Variants in PLA2G4E observed in about 807,000 individuals in gnomAD.
PLA2G4E encodes cytosolic phospholipase A2 epsilon.
In PLA2G4E, 84 loss-of-function variants were observed where a neutral mutation model predicts 109.1. The ratio of observed to expected loss-of-function variants is 0.77; its 90% CI spans 0.65 to 0.92. The LOEUF is 0.92. PLA2G4E is among the 40% of genes least tolerant of loss of function. The pLI, the probability that PLA2G4E is intolerant of heterozygous loss-of-function variation, is 0.00. For synonymous variants in PLA2G4E, 469 were observed against 436.1 expected, an observed-to-expected ratio of 1.08 and a Z score of -0.94; for missense variants, 1,057 against 1,076.6, an observed-to-expected ratio of 0.98 and a Z score of 0.25.
intron 17 of PLA2G4E, 78 bp from the exon 18 acceptor site, chr15:41,986,083 G>A (rs2068137318): frequency 4.1e-6 from 6 of 1,465,146 alleles, no homozygotes; most frequent in African/African-American, 1.4e-5. Context: ...GGGGGACGGA[G>A]CGCCCTGTCT....
intron 1 of PLA2G4E, among the ~76,000 whole-genome samples, chr15:42,017,259 G>T (rs1241724146): frequency 6.6e-6 from 1 of 152,184 alleles, no homozygotes; most frequent in African/African-American, 2.4e-5. Flanking sequence ...ATCTACTCTG[G>T]CAGGGAAGGC....
At chr15:42,008,810 A>G (rs1025630231) in intron 2 of PLA2G4E, among the ~76,000 whole-genome samples, 5 of 152,218 alleles carry the variant, frequency 3.3e-5, no homozygotes, top group African/African-American at 9.7e-5. Flanking sequence ...GAAATGGTGA[A>G]AGCCAGCAGT....
intron 1 of PLA2G4E, among the ~76,000 whole-genome samples, chr15:42,016,311 T>C (rs895612211): frequency 4.7e-5 from 7 of 150,238 alleles, no homozygotes; most frequent in Non-Finnish European, 1.0e-4. Flanking sequence ...CTTTTGATGC[T>C]GGTCCTTTCA....
In PLA2G4E at chr15:41,987,164, A is replaced by C; in HGVS notation, c.2035+8T>G. 1 of 1,609,026 alleles carries C rather than the reference A, an allele frequency of 6.2e-7. No individual in the cohort carries two copies. The highest frequency in any genetic ancestry group is 1.1e-5 in the South Asian group (1 of 91,002). Reference sequence around the variant, plus strand: ...GGCAGGCCTCAAGGAGTAGCCAGGTAGGGTTACCTTTCCACCTAGAGAACT... The same window carrying C: ...GGCAGGCCTCAAGGAGTAGCCAGGTCGGGTTACCTTTCCACCTAGAGAACT... On this transcript the variant is annotated splice_region_variant and intron_variant, in intron 17 of 19. Coordinates refer to ENST00000399518, the Ensembl canonical transcript of PLA2G4E.
At chr15:41,991,595 T>C (rs965341649) in intron 13 of PLA2G4E, among the ~76,000 whole-genome samples, 1 of 152,136 alleles carries the variant, frequency 6.6e-6, no homozygotes, top group African/African-American at 2.4e-5. Context: ...GAATCCCCAT[T>C]TGCCAGCGCA....
exon 13 of PLA2G4E, chr15:41,992,754 T>C (rs527740359): frequency 1.9e-6 from 3 of 1,612,200 alleles, no homozygotes; most frequent in African/African-American, 2.7e-5. Context: ...CCCAGGCAGG[T>C]CTCTATCAGC....
At chr15:42,001,817 G>A (rs944888589) in intron 6 of PLA2G4E, among the ~76,000 whole-genome samples, 5 of 152,098 alleles carry the variant, frequency 3.3e-5, no homozygotes, top group Non-Finnish European at 7.4e-5. Flanking sequence ...TCAGCCTCCT[G>A]AGTAGCTGGG....
chr15:41,988,071 T>G, exon 16 of PLA2G4E: 1 of 1,606,384 alleles, frequency 6.2e-7, no homozygotes, highest in South Asian at 1.1e-5. Context: ...CTTTCTCCCT[T>G]GTCCACCTGT....
intron 5 of PLA2G4E, among the ~76,000 whole-genome samples, chr15:42,003,799 G>A (rs1210067371): frequency 6.6e-6 from 1 of 152,254 alleles, no homozygotes; most frequent in African/African-American, 2.4e-5. Flanking sequence ...GTGAAGAAGA[G>A]GGAGGAGTGA....
At chr15:42,032,969 G>T (rs1394605356) in intron 1 of PLA2G4E, among the ~76,000 whole-genome samples, 2 of 152,188 alleles carry the variant, frequency 1.3e-5, no homozygotes, top group African/African-American at 2.4e-5. Flanking sequence ...GTGTGTGAGT[G>T]TGTGAGAAGT....
At chr15:42,037,079 T>TG (rs1362706673) in intron 1 of PLA2G4E, among the ~76,000 whole-genome samples, 1 of 151,788 alleles carries the variant, frequency 6.6e-6, no homozygotes, top group South Asian at 2.1e-4. Flanking sequence ...GAGCATGGGG[T>TG]GGGGGGTGAG....
intron 1 of PLA2G4E, among the ~76,000 whole-genome samples, chr15:42,049,970 C>T (rs147195718): frequency 1.1e-4 from 16 of 152,306 alleles, no homozygotes; most frequent in African/African-American, 3.4e-4. Context: ...CGTATTTGCT[C>T]ATAGGTGGGG....
intron 1 of PLA2G4E, among the ~76,000 whole-genome samples, chr15:42,017,881 G>T (rs2068611413): frequency 6.6e-6 from 1 of 152,182 alleles, no homozygotes; most frequent in Non-Finnish European, 1.5e-5. Flanking sequence ...CTTTGGAGAA[G>T]TTCCCATTTT....
At chr15:42,041,047 G>A (rs1417371541) in intron 1 of PLA2G4E, among the ~76,000 whole-genome samples, 2 of 152,174 alleles carry the variant, frequency 1.3e-5, no homozygotes, top group African/African-American at 4.8e-5. Context: ...GTTGGTGAGG[G>A]TGTGAGGAAG....
intron 1 of PLA2G4E, among the ~76,000 whole-genome samples, chr15:42,024,267 T>C (rs991910612): frequency 2.6e-5 from 4 of 152,138 alleles, no homozygotes; most frequent in Non-Finnish European, 4.4e-5. Context: ...CAACTGCTGC[T>C]CCAAGTCAAG....
At chr15:42,016,964 C>G (rs2068601149) in intron 1 of PLA2G4E, among the ~76,000 whole-genome samples, 1 of 152,246 alleles carries the variant, frequency 6.6e-6, no homozygotes. Context: ...CCTCCTTTCT[C>G]ACTCTGCCCG....
At chr15:42,017,388 T>A (rs1163266368) in intron 1 of PLA2G4E, among the ~76,000 whole-genome samples, 2 of 152,204 alleles carry the variant, frequency 1.3e-5, no homozygotes, top group Non-Finnish European at 2.9e-5. Flanking sequence ...CCGCTCTAAC[T>A]CAGCAACAAT....
At chr15:42,044,914 G>A (rs888677096) in intron 1 of PLA2G4E, among the ~76,000 whole-genome samples, 8 of 152,118 alleles carry the variant, frequency 5.3e-5, no homozygotes, top group South Asian at 2.1e-4. Flanking sequence ...ACTTGGGCCC[G>A]GGTAGGGGGC....
At chr15:42,014,828 T>A (rs1333102955) in intron 1 of PLA2G4E, among the ~76,000 whole-genome samples, 2 of 152,222 alleles carry the variant, frequency 1.3e-5, no homozygotes, top group South Asian at 4.1e-4. Flanking sequence ...TCTTTCCTGA[T>A]GGCAAAAGCT....
Sources: allele counts gnomAD v4.1 joint callset (sites outside exome capture counted in the v4.1 genomes callset), GRCh38; gene constraint gnomAD v4.1.1; transcripts MANE v1.5; gene names NCBI Gene and HGNC (gene_info 2026-07-23, HGNC 2026-07-21).